The following SMOC2 variants were observed in gnomAD, a reference collection of about 807,000 sequenced individuals.
SMOC2 encodes SPARC-related modular calcium-binding protein 2.
A neutral mutation model predicts 61.4 loss-of-function variants in SMOC2; 39 were observed. The ratio of observed to expected loss-of-function variants is 0.64; its 90% CI spans 0.49 to 0.83. The LOEUF is 0.83. SMOC2 is among the 40% of genes least tolerant of loss of function. The pLI is 0.00. For synonymous variants in SMOC2, 247 were observed against 239.9 expected (o/e 1.03, Z -0.27); for missense variants, 556 against 592.9 (o/e 0.94, Z 0.65).
At chr6:168,523,073 A>G (rs1029925164) in intron 2 of SMOC2, among the ~76,000 whole-genome samples, 3 of 90,008 alleles carry the variant, frequency 3.3e-5, no homozygotes, top group African/African-American at 9.6e-5. Context: ...TTGTAGTTGT[A>G]CAGTAATTTT....
chr6:168,563,548 G>T (rs1232357366), intron 7 of SMOC2, among the ~76,000 whole-genome samples: 5 of 152,102 alleles, frequency 3.3e-5, no homozygotes, highest in Non-Finnish European at 7.4e-5. Context: ...CCAAATTCCT[G>T]TGTTGAAATC....
chr6:168,650,155 C>T (rs540780355), intron 9 of SMOC2, among the ~76,000 whole-genome samples: 14 of 152,162 alleles, frequency 9.2e-5, no homozygotes, highest in Non-Finnish European at 4.4e-5. Flanking sequence ...GTGGACTGTT[C>T]GTGCCAATGC....
chr6:168,632,922 C>T (rs1786606063), intron 9 of SMOC2, among the ~76,000 whole-genome samples: 3 of 152,202 alleles, frequency 2.0e-5, no homozygotes. Flanking sequence ...TTGGGTCCCA[C>T]CCACCATTCC....
intron 9 of SMOC2, among the ~76,000 whole-genome samples, chr6:168,626,215 C>G (rs1331492077): frequency 6.6e-6 from 1 of 152,180 alleles, no homozygotes; most frequent in Non-Finnish European, 1.5e-5. Flanking sequence ...ACAGACCTGT[C>G]TCACTCCTCG....
intron 9 of SMOC2, among the ~76,000 whole-genome samples, chr6:168,643,579 C>T (rs1000767801): frequency 3.3e-5 from 5 of 152,208 alleles, no homozygotes; most frequent in African/African-American, 4.8e-5. Context: ...CACCAGTGCC[C>T]ACCCTGCCAG....
chr6:168,613,111 G>T (rs1169827259), intron 9 of SMOC2, among the ~76,000 whole-genome samples: 1 of 152,156 alleles, frequency 6.6e-6, no homozygotes, highest in Non-Finnish European at 1.5e-5. Flanking sequence ...GTCTACACTG[G>T]CAGGGAACGC....
At chr6:168,524,909 C>G (rs1438497017) in intron 2 of SMOC2, among the ~76,000 whole-genome samples, 2 of 152,228 alleles carry the variant, frequency 1.3e-5, no homozygotes, top group African/African-American at 4.8e-5. Flanking sequence ...AGAGGCGGAG[C>G]CTGTAGGAGC....
chr6:168,555,610 C>T (rs1784228912), intron 7 of SMOC2, among the ~76,000 whole-genome samples: 1 of 152,230 alleles, frequency 6.6e-6, no homozygotes, highest in Admixed American at 6.5e-5. Flanking sequence ...TCATAGCATG[C>T]ACTGTGGAAC....
chr6:168,445,239 C>T (rs896771351), intron 1 of SMOC2, among the ~76,000 whole-genome samples: 1 of 152,158 alleles, frequency 6.6e-6, no homozygotes, highest in Non-Finnish European at 1.5e-5. Context: ...TTTACAATTC[C>T]ACACTGCCGT....
At chr6:168,480,904 G>A (rs919342457) in intron 1 of SMOC2, among the ~76,000 whole-genome samples, 4 of 152,140 alleles carry the variant, frequency 2.6e-5, no homozygotes, top group Non-Finnish European at 4.4e-5. Context: ...AAAGCGGTGG[G>A]CAGATAAATT....
chr6:168,529,404 G>A (rs971255735), intron 4 of SMOC2, among the ~76,000 whole-genome samples: 15 of 152,192 alleles, frequency 9.9e-5, no homozygotes, highest in African/African-American at 3.1e-4. Context: ...GTGAGGGGGG[G>A]CAGTGTTTCC....
intron 6 of SMOC2, among the ~76,000 whole-genome samples, chr6:168,548,837 C>T (rs1024365194): frequency 3.3e-5 from 5 of 152,150 alleles, no homozygotes; most frequent in Non-Finnish European, 7.3e-5. Flanking sequence ...TATTTTTGTA[C>T]ACTGGGTATT....
At chr6:168,547,619 C>T (rs1784037457) in intron 6 of SMOC2, among the ~76,000 whole-genome samples, 1 of 152,090 alleles carries the variant, frequency 6.6e-6, no homozygotes, top group Non-Finnish European at 1.5e-5. Context: ...GTAAACATTT[C>T]CTAGCCACAC....
chr6:168,641,778 C>T (rs1013716023), intron 9 of SMOC2, among the ~76,000 whole-genome samples: 7 of 152,214 alleles, frequency 4.6e-5, no homozygotes, highest in African/African-American at 1.7e-4. Flanking sequence ...ACTGGAGGAA[C>T]TTCCTAATTC....
chr6:168,662,745 G>A (rs374388714), intron 11 of SMOC2, among the ~76,000 whole-genome samples: 1 of 152,160 alleles, frequency 6.6e-6, no homozygotes, highest in South Asian at 2.1e-4. Flanking sequence ...TTCCGGCCAC[G>A]GAGCAGCCTG....
intron 7 of SMOC2, among the ~76,000 whole-genome samples, chr6:168,571,002 G>A (rs1375642640): frequency 6.6e-6 from 1 of 152,150 alleles, no homozygotes; most frequent in East Asian, 1.9e-4. Context: ...GAGCAGTGCA[G>A]GATTATCTGA....
intron 7 of SMOC2, among the ~76,000 whole-genome samples, chr6:168,554,542 C>T (rs1488803464): frequency 2.0e-5 from 3 of 152,168 alleles, no homozygotes; most frequent in Admixed American, 6.5e-5. Flanking sequence ...AGGAGGGGCA[C>T]GGAGGCCCCC....
intron 1 of SMOC2, among the ~76,000 whole-genome samples, chr6:168,500,834 AGGGG>A (rs1782710395): frequency 6.6e-6 from 1 of 152,176 alleles, no homozygotes; most frequent in East Asian, 1.9e-4. Flanking sequence ...ACACTCATCC[AGGGG>A]CATCTCGATT....
chr6:168,468,456 G>A (rs982606562), intron 1 of SMOC2, among the ~76,000 whole-genome samples: 15 of 152,208 alleles, frequency 9.9e-5, no homozygotes, highest in Middle Eastern at 6.8e-3. Context: ...CCTTCCCCCC[G>A]TCCCCCACCG....
Sources: gnomAD v4.1 joint callset for allele counts (sites outside exome capture counted in the v4.1 genomes callset) on GRCh38, gnomAD v4.1.1 for gene constraint, MANE v1.5 for transcripts, NCBI Gene and HGNC (gene_info 2026-07-23, HGNC 2026-07-21) for gene names.